QKI: variants seen among roughly 807,000 people sequenced by gnomAD.
QKI encodes QKI, KH domain containing RNA binding.
In QKI, 10 loss-of-function variants were observed where a neutral mutation model predicts 39.0. The ratio of observed to expected loss-of-function variants is 0.26; its 90% CI spans 0.16 to 0.43. The LOEUF (loss-of-function observed/expected upper bound fraction) is 0.43, where lower values mean the gene tolerates loss of function less well. QKI is among the 20% of genes least tolerant of loss of function. The probability of loss-of-function intolerance (pLI) is 1.00; values close to 1 mark genes in which losing one functional copy is unlikely to be tolerated. For missense variants in QKI, 218 were observed against 428.0 expected (o/e 0.51, Z 4.33); for synonymous variants, 204 against 155.4 (o/e 1.31, Z -2.33).
Position 163,483,587 on chromosome 6 carries a change from A to G in QKI, c.402+4691A>G, listed in dbSNP as rs556105735. The stretch of plus-strand genomic sequence containing the variant: ...TTTCTCTGCTCATCCATAAGAAGCA[A>G]CTCCTGATCAAGTTTGATCATGCAG... On this transcript the variant is annotated intron_variant, in intron 3 of 7. Coordinates refer to ENST00000361752, the MANE Select transcript of QKI (RefSeq NM_006775.3). Among the ~76,000 whole-genome samples the G allele has an allele frequency of 1.9e-4, 29 of 152,236 alleles. No homozygotes were observed. In the South Asian group the frequency reaches 6.0e-3, roughly 32 times the overall value.
At chr6:163,432,773 C>T (rs1446315572) in intron 1 of QKI, among the ~76,000 whole-genome samples, 2 of 152,060 alleles carry the variant, frequency 1.3e-5, no homozygotes, top group Non-Finnish European at 2.9e-5. Flanking sequence ...TAAAGGATTG[C>T]TAGACTAATA....
chr6:163,567,896 G>C (rs912811348), intron 7 of QKI: 2 of 985,420 alleles, frequency 2.0e-6, no homozygotes, highest in Non-Finnish European at 2.4e-6. Context: ...CTTGAGTACT[G>C]ATGATAAATA....
intron 3 of QKI, among the ~76,000 whole-genome samples, chr6:163,500,659 G>A (rs904173868): frequency 6.6e-6 from 1 of 152,014 alleles, no homozygotes; most frequent in Admixed American, 6.6e-5. Context: ...ACGTAGAGGA[G>A]CATCAAATAA....
intron 3 of QKI, among the ~76,000 whole-genome samples, chr6:163,518,998 A>G (rs561095273): frequency 6.6e-6 from 1 of 152,306 alleles, no homozygotes; most frequent in Non-Finnish European, 1.5e-5. Flanking sequence ...ATTTATTTAT[A>G]GTCTTTTCTT....
intron 1 of QKI, among the ~76,000 whole-genome samples, chr6:163,425,100 T>A (rs894358933): frequency 6.6e-6 from 1 of 152,222 alleles, no homozygotes; most frequent in African/African-American, 2.4e-5. Context: ...TCTGGTAGTT[T>A]AGAGGATGTC....
chr6:163,452,129 T>TA (rs2128218476), intron 1 of QKI, among the ~76,000 whole-genome samples: 1 of 152,362 alleles, frequency 6.6e-6, no homozygotes, highest in South Asian at 2.1e-4. Context: ...GAGACTTGTC[T>TA]AAAATCACAG....
At chr6:163,544,319 C>T (rs1781733466) in intron 4 of QKI, among the ~76,000 whole-genome samples, 1 of 151,920 alleles carries the variant, frequency 6.6e-6, no homozygotes, top group South Asian at 2.1e-4. Context: ...AAATACTATG[C>T]CATTTTATAT....
intron 3 of QKI, 45 bp downstream of exon 3, chr6:163,478,941 T>C: frequency 7.2e-7 from 1 of 1,396,298 alleles, no homozygotes; most frequent in Non-Finnish European, 1.0e-6. Context: ...AGTAACTTAC[T>C]ATACTTTTAC....
At chr6:163,455,859 C>T (rs1198093679) in intron 2 of QKI, among the ~76,000 whole-genome samples, 1 of 152,182 alleles carries the variant, frequency 6.6e-6, no homozygotes, top group Non-Finnish European at 1.5e-5. Context: ...GATTTTCCCC[C>T]ATCTTAGTCC....
chr6:163,495,629 G>GT (rs1264537564), intron 3 of QKI, among the ~76,000 whole-genome samples: 1 of 152,024 alleles, frequency 6.6e-6, no homozygotes, highest in African/African-American at 2.4e-5. Flanking sequence ...TTTTTCATTA[G>GT]TTGTAAGTTC....
chr6:163,529,126 G>T (rs1583168535), intron 3 of QKI, among the ~76,000 whole-genome samples: 1 of 152,154 alleles, frequency 6.6e-6, no homozygotes, highest in African/African-American at 2.4e-5. Context: ...GAATTGACTA[G>T]AAGTAAGAGA....
chr6:163,447,718 T>C (rs553578830), intron 1 of QKI, among the ~76,000 whole-genome samples: 1 of 152,242 alleles, frequency 6.6e-6, no homozygotes, highest in South Asian at 2.1e-4. Context: ...TGAAGACCAG[T>C]TGAGTCATGT....
intron 3 of QKI, among the ~76,000 whole-genome samples, chr6:163,504,357 A>G (rs994823861): frequency 3.9e-5 from 6 of 152,160 alleles, no homozygotes; most frequent in Non-Finnish European, 8.8e-5. Context: ...TTTTGGTTAC[A>G]TGTGAATTTT....
intron 3 of QKI, among the ~76,000 whole-genome samples, chr6:163,517,661 A>C (rs1157795442): frequency 1.3e-5 from 2 of 152,074 alleles, no homozygotes; most frequent in Non-Finnish European, 2.9e-5. Flanking sequence ...TTTATAGTCC[A>C]CCTCTTGAAA....
At chr6:163,534,253 T>C (rs1490676504) in intron 3 of QKI, among the ~76,000 whole-genome samples, 1 of 152,198 alleles carries the variant, frequency 6.6e-6, no homozygotes, top group African/African-American at 2.4e-5. Context: ...ATATTCTCTA[T>C]GAAACTAGTA....
intron 1 of QKI, among the ~76,000 whole-genome samples, chr6:163,425,041 C>T (rs566695348): frequency 3.9e-5 from 6 of 152,254 alleles, no homozygotes; most frequent in Middle Eastern, 3.4e-3. Context: ...GATGATGTAT[C>T]CATGTAGGTT....
At chr6:163,523,314 A>T (rs1780274193) in intron 3 of QKI, among the ~76,000 whole-genome samples, 1 of 152,352 alleles carries the variant, frequency 6.6e-6, no homozygotes, top group Non-Finnish European at 1.5e-5. Flanking sequence ...CACATGTGGA[A>T]TGCACGAGAA....
At chr6:163,473,992 A>G (rs1004519104) in intron 2 of QKI, among the ~76,000 whole-genome samples, 1 of 152,198 alleles carries the variant, frequency 6.6e-6, no homozygotes, top group Non-Finnish European at 1.5e-5. Context: ...TTGGTTTAAC[A>G]TTTGAAGTTG....
At chr6:163,438,452 A>G (rs1189145633) in intron 1 of QKI, among the ~76,000 whole-genome samples, 1 of 152,218 alleles carries the variant, frequency 6.6e-6, no homozygotes, top group Non-Finnish European at 1.5e-5. Context: ...TTTTGCGAAC[A>G]TCATAGGGTG....
Sources: allele counts gnomAD v4.1 joint callset (sites outside exome capture counted in the v4.1 genomes callset), GRCh38; gene constraint gnomAD v4.1.1; transcripts MANE v1.5; gene names NCBI Gene and HGNC (gene_info 2026-07-23, HGNC 2026-07-21).